The following TXNDC5 variants were observed in gnomAD, a reference collection of about 807,000 sequenced individuals.
TXNDC5 encodes thioredoxin domain-containing protein 5.
A neutral mutation model predicts 52.6 loss-of-function variants in TXNDC5; 44 were observed. The observed-to-expected ratio is 0.84, with a 90% CI of 0.66 to 1.08. The LOEUF (loss-of-function observed/expected upper bound fraction) is 1.08, where lower values mean the gene tolerates loss of function less well. Among genes scored for constraint, TXNDC5 ranks in the 50% least tolerant of loss-of-function variants. The pLI is 0.00. For missense variants in TXNDC5, 600 were observed against 565.5 expected, an observed-to-expected ratio of 1.06 and a Z score of -0.62; for synonymous variants, 241 against 234.4, an observed-to-expected ratio of 1.03 and a Z score of -0.26.
chr6:7,906,677 A>C (rs1760747636), intron 1 of TXNDC5, among the ~76,000 whole-genome samples: 1 of 152,168 alleles, frequency 6.6e-6, no homozygotes, highest in Non-Finnish European at 1.5e-5. Context: ...CAGATACAAA[A>C]AAAAAAGCAC....
chr6:7,883,405 TA>T, intron 9 of TXNDC5, 139 bp from the exon 10 acceptor site: 1 of 1,244,632 alleles, frequency 8.0e-7, no homozygotes, highest in South Asian at 1.5e-5. Flanking sequence ...TATATTCCAT[TA>T]AAACAGGAGC....
chr6:7,882,835 C>G lies in TXNDC5; in HGVS notation c.*309G>C. Reference sequence around the variant, plus strand: ...CAAATAGTCCAGCAATTTCATTTCCCTCAACGCTATTTTAGTCTCAAAGGA... The same window carrying G: ...CAAATAGTCCAGCAATTTCATTTCCGTCAACGCTATTTTAGTCTCAAAGGA... On this transcript the variant is annotated 3_prime_UTR_variant, in exon 10 of 10. Transcript: ENST00000379757. The G allele has an allele frequency of 4.3e-6, 1 of 233,618 alleles. No individual in the cohort carries two copies. Among genetic ancestry groups the G allele is most frequent in the Non-Finnish European group, 8.4e-6 (1 of 119,664 alleles). 14.5% of individuals were successfully genotyped at this position (233,618 alleles called of 1,614,324 possible).
At chr6:7,906,456 A>T (rs1760731810) in intron 1 of TXNDC5, among the ~76,000 whole-genome samples, 1 of 145,170 alleles carries the variant, frequency 6.9e-6, no homozygotes. Flanking sequence ...GAATCGCTTG[A>T]ACCCGGGAGG....
In TXNDC5 at chr6:7,910,698, CCAG is replaced by C. The variant is rs775841007; in HGVS notation, c.76_78del (p.Leu26del). On this transcript the variant is annotated inframe_deletion, in exon 1 of 10. Coordinates refer to ENST00000379757, the MANE Select transcript of TXNDC5 (RefSeq NM_030810.5). ...CCCCAGCGCCCGCCGCCGCCATGGC[CCAG>C]CAGCAGCAGCAGCAGCGCAGTCAGG... 595 of 1,087,284 alleles carry C rather than the reference CCAG, an allele frequency of 5.5e-4. No homozygotes were observed. Among genetic ancestry groups the C allele is most frequent in the South Asian group, 1.8e-3 (45 of 24,388 alleles). 67.4% of individuals were successfully genotyped at this position (1,087,284 alleles called of 1,614,324 possible).
At chr6:7,888,905 T>G (rs1760097430) in intron 6 of TXNDC5, 57 bp from the exon 7 acceptor site, 1 of 1,528,950 alleles carries the variant, frequency 6.5e-7, no homozygotes, top group Non-Finnish European at 8.8e-7. Flanking sequence ...CTGAATCACT[T>G]AAGCCTTCCT....
In TXNDC5 at chr6:7,888,857, G is replaced by A. The variant is rs1760095129; in HGVS notation, c.820-9C>T. On this transcript the variant is annotated splice_polypyrimidine_tract_variant and intron_variant, in intron 6 of 9. Transcript: ENST00000379757. ...CCCTTGTACTGATCCACCTGGCCAA[G>A]ACACGGGCACGCGGCTGAGTGAGTC... 1 of 1,599,754 alleles carries A rather than the reference G, an allele frequency of 6.3e-7. No individual in the cohort carries two copies. The highest frequency in any genetic ancestry group is 8.5e-7 in the Non-Finnish European group (1 of 1,172,664).
chr6:7,893,071 A>G (rs1404067543), intron 4 of TXNDC5, among the ~76,000 whole-genome samples: 1 of 152,244 alleles, frequency 6.6e-6, no homozygotes, highest in Non-Finnish European at 1.5e-5. Flanking sequence ...AGTTTAAAAA[A>G]TGAAACATCA....
chr6:7,906,546 A>AC (rs1561816104), intron 1 of TXNDC5, among the ~76,000 whole-genome samples: 3 of 150,140 alleles, frequency 2.0e-5, no homozygotes, highest in Non-Finnish European at 3.0e-5. Flanking sequence ...AAAAAAAAAA[A>AC]AAAAAAAAAA....
At position 7,895,141 on chromosome 6, in the gene TXNDC5, A is replaced by G. The variant is rs1361065030; in HGVS notation, c.581T>C (p.Leu194Pro). The change falls in exon 4 of 10, where the codon CTC (leucine) becomes CCC (proline). Residue 194 changes from leucine to proline, a missense_variant. By Grantham distance (98) the Leu-to-Pro change is moderately conservative. Coordinates refer to ENST00000379757, the MANE Select transcript of TXNDC5 (RefSeq NM_030810.5). ...APELKQGLYE[L>P]SASNFELHVA... ...GTGCAGCTCAAAGTTGCTTGCTGAG[A>G]GCTCATACAGCCCTTGCTTGAGCTC... The G allele has an allele frequency of 6.2e-7, 1 of 1,613,766 alleles. No individual in the cohort carries two copies. Among genetic ancestry groups the G allele is most frequent in the Non-Finnish European group, 8.5e-7 (1 of 1,179,936 alleles).
chr6:7,903,411 T>C (rs1346856889), intron 2 of TXNDC5, among the ~76,000 whole-genome samples: 1 of 152,196 alleles, frequency 6.6e-6, no homozygotes, highest in African/African-American at 2.4e-5. Context: ...CATTTCCAAA[T>C]GGTAGGGAAA....
At chr6:7,901,217 C>T (rs111746242) in intron 2 of TXNDC5, among the ~76,000 whole-genome samples, 4 of 152,292 alleles carry the variant, frequency 2.6e-5, no homozygotes, top group South Asian at 2.1e-4. Context: ...TAAGCAACTG[C>T]AACATCTGCG....
intron 4 of TXNDC5, among the ~76,000 whole-genome samples, chr6:7,893,306 G>A (rs1760260354): frequency 6.6e-6 from 1 of 152,244 alleles, no homozygotes; most frequent in Non-Finnish European, 1.5e-5. Context: ...CAATGCACTT[G>A]AAGAAAATGG....
intron 1 of TXNDC5, 138 bp from the exon 2 acceptor site, chr6:7,904,861 T>G: frequency 1.1e-6 from 1 of 936,030 alleles, no homozygotes; most frequent in South Asian, 1.6e-5. Flanking sequence ...CCTGGACCAG[T>G]ACTCCAGGAC....
chr6:7,910,561 C>T lies in TXNDC5; in HGVS notation c.216G>A (p.Thr72=). The T allele has an allele frequency of 6.2e-6, 9 of 1,450,364 alleles. No individual in the cohort carries two copies. Among genetic ancestry groups the T allele is most frequent in the Non-Finnish European group, 8.3e-6 (9 of 1,090,340 alleles). The allele number at this position is 1,450,364 out of a possible 1,614,324, so 89.8% of individuals were successfully genotyped here. A position where few individuals can be genotyped will look rare whatever the true frequency, so the allele number is the denominator to read the frequency against. ...SKHLYTADMF[T]HGIQSAAHFV... The stretch of plus-strand genomic sequence containing the variant: ...AGTGCGCGGCGCTCTGGATCCCGTG[C>T]GTGAACATGTCGGCCGTGTACAGGT... Residue 72 remains threonine, a synonymous_variant, in exon 1 of 10, where the codon ACG becomes ACA. Transcript: ENST00000379757.
rs370964844 is a variant in TXNDC5 at position 7,887,326 on chromosome 6, G to A, written c.964-1283C>T. ...GTGCAGACCTCCTGCCGCAGCCCCA[G>A]GCTCATGGTTGGAACTGCCACTGGA... is the stretch of plus-strand genomic sequence containing the variant. On this transcript the variant is annotated intron_variant, in intron 7 of 9. Coordinates refer to ENST00000379757, the MANE Select transcript of TXNDC5 (RefSeq NM_030810.5). Among the ~76,000 whole-genome samples the A allele has an allele frequency of 5.9e-5, 9 of 152,278 alleles. No homozygotes were observed. The South Asian group carries it at 1.7e-3, about 28-fold the overall frequency.
intron 3 of TXNDC5, among the ~76,000 whole-genome samples, chr6:7,897,353 G>A (rs1363086397): frequency 6.6e-6 from 1 of 152,070 alleles, no homozygotes; most frequent in Admixed American, 6.5e-5. Context: ...TTTATCCCAC[G>A]TGAATATTAA....
At chr6:7,907,997 C>A (rs1414251750) in intron 1 of TXNDC5, among the ~76,000 whole-genome samples, 1 of 152,116 alleles carries the variant, frequency 6.6e-6, no homozygotes, top group Admixed American at 6.6e-5. Context: ...AAGAAGTCAA[C>A]AAATATGCCA....
intron 1 of TXNDC5, among the ~76,000 whole-genome samples, chr6:7,905,265 C>G (rs1214511342): frequency 1.3e-5 from 2 of 152,234 alleles, no homozygotes; most frequent in Non-Finnish European, 2.9e-5. Flanking sequence ...TGGAAAGCCT[C>G]TCTACTCCTC....
At chr6:7,891,784 T>G in intron 4 of TXNDC5, 48 bp from the exon 5 acceptor site, 3 of 1,361,242 alleles carry the variant, frequency 2.2e-6, no homozygotes, top group South Asian at 1.2e-5. Flanking sequence ...GAACTGTAAT[T>G]TATGTCAGAC....
Sources: allele counts gnomAD v4.1 joint callset (sites outside exome capture counted in the v4.1 genomes callset), GRCh38; gene constraint gnomAD v4.1.1; transcripts MANE v1.5; gene names NCBI Gene and HGNC (gene_info 2026-07-23, HGNC 2026-07-21).